TMEM132C: variants seen among roughly 807,000 people sequenced by gnomAD.
TMEM132C encodes protein phosphatase 1, regulatory subunit 152.
In TMEM132C, 29 loss-of-function variants were observed where a neutral mutation model predicts 61.4. The observed-to-expected ratio is 0.47, with a 90% confidence interval of 0.35 to 0.64. The LOEUF is 0.64. TMEM132C is among the 30% of genes least tolerant of loss of function. TMEM132C has a pLI of 0.00. For synonymous variants in TMEM132C, 656 were observed against 633.1 expected, an observed-to-expected ratio of 1.04 and a Z score of -0.54; for missense variants, 1,408 against 1,476.9, an observed-to-expected ratio of 0.95 and a Z score of 0.76.
chr12:128,422,299 G>T (rs928121290), intron 2 of TMEM132C, among the ~76,000 whole-genome samples: 1 of 149,836 alleles, frequency 6.7e-6, no homozygotes, highest in South Asian at 2.1e-4. Flanking sequence ...TTTGACTCAA[G>T]TTGCAGGTTG....
At chr12:128,419,673 T>A (rs1868922665) in intron 2 of TMEM132C, among the ~76,000 whole-genome samples, 1 of 152,192 alleles carries the variant, frequency 6.6e-6, no homozygotes, top group African/African-American at 2.4e-5. Flanking sequence ...GCTTTCATTG[T>A]TTATGGTTAT....
chr12:128,269,347 C>CGTGTGTGTGTGTGTGTGTGT (rs58843737), intron 1 of TMEM132C, among the ~76,000 whole-genome samples: 1,604 of 143,100 alleles, frequency 0.011, 35 homozygotes, highest in East Asian at 0.032. Flanking sequence ...GCTCACATTC[C>CGTGTGTGTGTGTGTGTGTGT]GTGTGTGTGT....
At chr12:128,662,070 T>C (rs1954396763) in intron 4 of TMEM132C, among the ~76,000 whole-genome samples, 1 of 152,328 alleles carries the variant, frequency 6.6e-6, no homozygotes, top group East Asian at 1.9e-4. Flanking sequence ...TTATCAGCCA[T>C]GTTTTCTCTT....
At chr12:128,559,778 G>A (rs1461458144) in intron 3 of TMEM132C, among the ~76,000 whole-genome samples, 1 of 152,158 alleles carries the variant, frequency 6.6e-6, no homozygotes, top group Admixed American at 6.5e-5. Context: ...CTGAGTCACT[G>A]GTGCATCCCC....
At chr12:128,534,451 A>C (rs1210794626) in intron 2 of TMEM132C, among the ~76,000 whole-genome samples, 6 of 152,222 alleles carry the variant, frequency 3.9e-5, no homozygotes, top group Non-Finnish European at 8.8e-5. Context: ...AGACCCACAA[A>C]CTGGAAACCA....
At chr12:128,474,341 A>G (rs1010882557) in intron 2 of TMEM132C, among the ~76,000 whole-genome samples, 2 of 152,132 alleles carry the variant, frequency 1.3e-5, no homozygotes, top group East Asian at 3.9e-4. Flanking sequence ...CATTTGCAGG[A>G]AGTCTATGTT....
chr12:128,444,536 C>T (rs112446320), intron 2 of TMEM132C, among the ~76,000 whole-genome samples: 3 of 152,290 alleles, frequency 2.0e-5, no homozygotes, highest in East Asian at 1.9e-4. Flanking sequence ...ATTCTCTTCT[C>T]ATTGGCCTGT....
chr12:128,373,441 T>C (rs1874089639), intron 1 of TMEM132C, among the ~76,000 whole-genome samples: 2 of 152,198 alleles, frequency 1.3e-5, no homozygotes, highest in African/African-American at 4.8e-5. Flanking sequence ...CAATTATCAT[T>C]GCCTTGCTGA....
rs1870773769 is a variant in TMEM132C at position 128,278,707 on chromosome 12, C to T, written c.85+11220C>T. 6.6e-6 allele frequency among the ~76,000 whole-genome samples: 1 copy of T among 151,298 alleles called. No individual in the cohort carries two copies. Among genetic ancestry groups the T allele is most frequent in the African/African-American group, 2.4e-5 (1 of 41,078 alleles). On this transcript the variant is annotated intron_variant, in intron 1 of 8. Transcript: ENST00000435159. This position sits in a 1 kb window ranked among gnomAD's most constrained non-coding sequence, Gnocchi z 4.2. Reference sequence around the variant, plus strand: ...AAGTTTTTGTCTTAACTTGTGTGGGCCACGGTTCCCAGATATTTGTGCAGA... The same window carrying T: ...AAGTTTTTGTCTTAACTTGTGTGGGTCACGGTTCCCAGATATTTGTGCAGA...
intron 3 of TMEM132C, among the ~76,000 whole-genome samples, chr12:128,563,092 C>A (rs1275389827): frequency 6.6e-6 from 1 of 152,232 alleles, no homozygotes; most frequent in African/African-American, 2.4e-5. Flanking sequence ...AACAGACATA[C>A]CAGCTGTGCC....
intron 4 of TMEM132C, among the ~76,000 whole-genome samples, chr12:128,623,748 CAGTGAG>C: frequency 6.6e-6 from 1 of 151,776 alleles, no homozygotes; most frequent in Non-Finnish European, 1.5e-5. Flanking sequence ...GCAGAGGTTG[CAGTGAG>C]CTGAGATTGC....
chr12:128,396,995 AG>A (rs2095933298), intron 1 of TMEM132C, among the ~76,000 whole-genome samples: 1 of 152,258 alleles, frequency 6.6e-6, no homozygotes, highest in Non-Finnish European at 1.5e-5. Context: ...ACCCTAGGTT[AG>A]CCACTGACCA....
In TMEM132C at chr12:128,414,799, G is replaced by A. The variant is rs183345717; in HGVS notation, c.153G>A (p.Val51=). 8 of 1,541,776 alleles carry A rather than the reference G, an allele frequency of 5.2e-6. No homozygotes were observed. The highest frequency in any genetic ancestry group is 3.3e-4 in the Middle Eastern group (2 of 6,014). ...CCTCACTGCCACCTTACCTACCTGT[G>A]AGCTACCACATCCTCAGAGCAGAGA... ...RFSSLPPYLP[V]SYHILRAETS... is the part of the protein sequence containing the mutation. Residue 51 remains valine (V), a synonymous_variant, in exon 2 of 9, where the codon GTG becomes GTA. Coordinates refer to ENST00000435159, the MANE Select transcript of TMEM132C (RefSeq NM_001136103.3).
intron 1 of TMEM132C, among the ~76,000 whole-genome samples, chr12:128,395,342 G>T (rs1232513830): frequency 6.6e-6 from 1 of 152,000 alleles, no homozygotes; most frequent in Non-Finnish European, 1.5e-5. Context: ...TGATAATTGT[G>T]TAATAATGGT....
intron 2 of TMEM132C, among the ~76,000 whole-genome samples, chr12:128,490,506 C>T (rs772244497): frequency 2.6e-5 from 4 of 152,092 alleles, no homozygotes; most frequent in African/African-American, 4.8e-5. Context: ...CAGTGAGGGG[C>T]AGGAGACTGC....
At chr12:128,642,343 G>T (rs924617016) in intron 4 of TMEM132C, among the ~76,000 whole-genome samples, 1 of 152,070 alleles carries the variant, frequency 6.6e-6, no homozygotes, top group African/African-American at 2.4e-5. Flanking sequence ...TGTTGCCCAG[G>T]CTGGTCTCGA....
chr12:128,275,690 A>G (rs1361636611), intron 1 of TMEM132C, among the ~76,000 whole-genome samples: 2 of 152,152 alleles, frequency 1.3e-5, no homozygotes, highest in African/African-American at 4.8e-5. Flanking sequence ...CACTGTGCTA[A>G]GAAGGGATAA....
At chr12:128,469,897 C>T (rs1338859608) in intron 2 of TMEM132C, among the ~76,000 whole-genome samples, 2 of 151,984 alleles carry the variant, frequency 1.3e-5, no homozygotes, top group African/African-American at 4.8e-5. Context: ...TATACACACA[C>T]ATAAATGCAC....
At chr12:128,485,243 C>G (rs946082991) in intron 2 of TMEM132C, among the ~76,000 whole-genome samples, 1 of 152,144 alleles carries the variant, frequency 6.6e-6, no homozygotes, top group Admixed American at 6.5e-5. Context: ...GTAGTGTGAT[C>G]TCTGCTCACT....
Sources: allele counts gnomAD v4.1 joint callset (sites outside exome capture counted in the v4.1 genomes callset), GRCh38; gene constraint gnomAD v4.1.1; non-coding constraint Gnocchi (gnomAD v3.1); transcripts MANE v1.5; gene names NCBI Gene and HGNC (gene_info 2026-07-23, HGNC 2026-07-21).